The following NINL variants were observed in gnomAD, a reference collection of about 807,000 sequenced individuals.
NINL encodes the protein ninein-like protein.
NINL carries 153 observed loss-of-function variants against 160.3 expected under a neutral mutation model. That is an observed-to-expected ratio of 0.95 (90% confidence interval 0.84 to 1.09). The LOEUF (loss-of-function observed/expected upper bound fraction) is 1.09, where lower values mean the gene tolerates loss of function less well. Among genes scored for constraint, NINL ranks in the 50% least tolerant of loss-of-function variants. The pLI is 0.00. For missense variants in NINL, 1,829 were observed against 1,764.0 expected (o/e 1.04, Z -0.66); for synonymous variants, 800 against 734.8 (o/e 1.09, Z -1.43).
At chr20:25,555,468 C>A (rs955784563) in intron 1 of NINL, among the ~76,000 whole-genome samples, 1 of 152,170 alleles carries the variant, frequency 6.6e-6, no homozygotes, top group Non-Finnish European at 1.5e-5. Flanking sequence ...AAAATTTGTA[C>A]TGAAAAATAA....
chr20:25,474,791 T>G (rs2063190636), intron 17 of NINL, among the ~76,000 whole-genome samples: 1 of 147,108 alleles, frequency 6.8e-6, no homozygotes, highest in Admixed American at 6.8e-5. Flanking sequence ...ATTTTTGTAT[T>G]TTTTTTTTTT....
At chr20:25,491,099 C>A (rs1393738989) in intron 11 of NINL, among the ~76,000 whole-genome samples, 1 of 152,236 alleles carries the variant, frequency 6.6e-6, no homozygotes, top group African/African-American at 2.4e-5. Flanking sequence ...CTCAGGTCCA[C>A]CTGGCCCAGA....
chr20:25,580,545 G>A (rs1179589804), intron 1 of NINL, among the ~76,000 whole-genome samples: 2 of 152,144 alleles, frequency 1.3e-5, no homozygotes, highest in Non-Finnish European at 2.9e-5. Flanking sequence ...GGAGGATGAT[G>A]GAAGGCTCCA....
At chr20:25,508,695 C>A (rs2064009084) in intron 5 of NINL, among the ~76,000 whole-genome samples, 1 of 152,236 alleles carries the variant, frequency 6.6e-6, no homozygotes, top group Non-Finnish European at 1.5e-5. Flanking sequence ...CTGAAGAGGG[C>A]TCTCGGCATT....
chr20:25,492,691 A>G (rs1214489761), intron 10 of NINL, among the ~76,000 whole-genome samples: 1 of 152,034 alleles, frequency 6.6e-6, no homozygotes, highest in East Asian at 1.9e-4. Flanking sequence ...TGACCTCGTG[A>G]TCTGCCTCCC....
At chr20:25,531,962 T>C (rs142790454) in intron 1 of NINL, among the ~76,000 whole-genome samples, 526 of 152,298 alleles carry the variant, frequency 3.5e-3, no homozygotes, top group Non-Finnish European at 6.3e-3. Context: ...TCAAAGTTCT[T>C]TCTCAGGGGC....
In NINL at chr20:25,526,612, AG is replaced by A. The variant is rs764369758; in HGVS notation, c.-11-15del. 2 of 1,605,398 alleles carry A rather than the reference AG, an allele frequency of 1.2e-6. No individual in the cohort carries two copies. Among genetic ancestry groups the A allele is most frequent in the African/African-American group, 2.7e-5 (2 of 74,760 alleles). On this transcript the variant is annotated splice_polypyrimidine_tract_variant and intron_variant, in intron 1 of 23. Transcript: ENST00000278886. ...TCCCATAGCAGGCTGGCAGTGTGCA[AG>A]GGAAGAAGAAAACATCAGGACACTT... is the stretch of plus-strand genomic sequence containing the variant.
chr20:25,501,847 T>C (rs1398927661), intron 7 of NINL, among the ~76,000 whole-genome samples: 1 of 152,220 alleles, frequency 6.6e-6, no homozygotes, highest in Non-Finnish European at 1.5e-5. Flanking sequence ...TCATCTTCTC[T>C]CAAACTCCTG....
intron 7 of NINL, among the ~76,000 whole-genome samples, chr20:25,502,795 AC>A (rs1455459663): frequency 6.6e-6 from 1 of 151,764 alleles, no homozygotes; most frequent in Non-Finnish European, 1.5e-5. Context: ...GCACCCCTTC[AC>A]CTTCTGCCAT....
At chr20:25,502,166 G>A (rs1026977079) in intron 7 of NINL, among the ~76,000 whole-genome samples, 1 of 152,032 alleles carries the variant, frequency 6.6e-6, no homozygotes, top group African/African-American at 2.4e-5. Context: ...AGTTTCACTA[G>A]AGACAGGGTT....
intron 5 of NINL, among the ~76,000 whole-genome samples, chr20:25,510,224 A>C (rs1305478003): frequency 6.6e-6 from 1 of 152,246 alleles, no homozygotes; most frequent in Non-Finnish European, 1.5e-5. Context: ...TGAGACAGAT[A>C]AAACCCTGGT....
chr20:25,466,026 T>C (rs920294936), intron 19 of NINL, among the ~76,000 whole-genome samples: 4 of 151,824 alleles, frequency 2.6e-5, no homozygotes, highest in African/African-American at 7.3e-5. Flanking sequence ...TTATTTTCTA[T>C]TATTATTATT....
intron 13 of NINL, among the ~76,000 whole-genome samples, chr20:25,487,860 C>T (rs1190565249): frequency 6.6e-6 from 1 of 152,212 alleles, no homozygotes; most frequent in African/African-American, 2.4e-5. Context: ...GCCATCAGCT[C>T]GTCTGCAAGG....
In NINL at chr20:25,581,291, A is replaced by G. The variant is rs577476018; in HGVS notation, c.-12+4164T>C. Among the ~76,000 whole-genome samples the G allele has an allele frequency of 1.5e-4, 23 of 152,302 alleles. No homozygotes were observed. The South Asian group carries it at 4.4e-3, about 29-fold the overall frequency. The stretch of plus-strand genomic sequence containing the variant: ...AAACTCTGTCTCTACTAAAAATACA[A>G]AAATTAGCTGAGCGTGGTCAGGCAC... On this transcript the variant is annotated intron_variant, in intron 1 of 23. Coordinates refer to ENST00000278886, the MANE Select transcript of NINL (RefSeq NM_025176.6).
intron 17 of NINL, among the ~76,000 whole-genome samples, chr20:25,473,421 G>C (rs1486230242): frequency 1.3e-5 from 2 of 150,880 alleles, no homozygotes; most frequent in Non-Finnish European, 2.9e-5. Flanking sequence ...TTTGAGACCA[G>C]CCTGGGCAAA....
At chr20:25,484,324 A>G (rs1194741946) in intron 13 of NINL, among the ~76,000 whole-genome samples, 1 of 152,198 alleles carries the variant, frequency 6.6e-6, no homozygotes, top group African/African-American at 2.4e-5. Context: ...AGATGCCCTC[A>G]GTCAAGACAC....
chr20:25,477,106 G>A lies in NINL; in HGVS notation c.2202-17C>T, dbSNP rs779342528. 4.4e-6 allele frequency: 7 copies of A among 1,575,824 alleles called. No homozygotes were observed. The highest frequency in any genetic ancestry group is 2.7e-5 in the African/African-American group (2 of 74,364). On this transcript the variant is annotated splice_polypyrimidine_tract_variant and intron_variant, in intron 16 of 23. Transcript: ENST00000278886. ...GCCTCTCTCCTGTGGAAGTAGAACCGTCACACACCACAGCCCTGCCGCCCC... is the reference window on the plus strand; with the variant it reads ...GCCTCTCTCCTGTGGAAGTAGAACCATCACACACCACAGCCCTGCCGCCCC...
intron 5 of NINL, among the ~76,000 whole-genome samples, chr20:25,507,301 A>T (rs529611680): frequency 6.6e-6 from 1 of 151,954 alleles, no homozygotes; most frequent in South Asian, 2.1e-4. Flanking sequence ...CTCACTCAGG[A>T]GGCACTGGTG....
At chr20:25,501,503 C>T (rs1276117245) in intron 7 of NINL, among the ~76,000 whole-genome samples, 2 of 152,166 alleles carry the variant, frequency 1.3e-5, no homozygotes, top group Non-Finnish European at 2.9e-5. Flanking sequence ...ACCCCCAGAC[C>T]CTCAGAATGC....
Sources: allele counts gnomAD v4.1 joint callset (sites outside exome capture counted in the v4.1 genomes callset), GRCh38; gene constraint gnomAD v4.1.1; transcripts MANE v1.5; gene names NCBI Gene and HGNC (gene_info 2026-07-23, HGNC 2026-07-21).